Variants in PLPPR3 observed in about 807,000 individuals in gnomAD.
The protein encoded by PLPPR3 is phospholipid phosphatase related 3.
PLPPR3 carries 14 observed loss-of-function variants against 27.3 expected under a neutral mutation model. The ratio of observed to expected loss-of-function variants is 0.51; its 90% CI spans 0.34 to 0.80. The LOEUF (loss-of-function observed/expected upper bound fraction) is 0.80, where lower values mean the gene tolerates loss of function less well. Among genes scored for constraint, PLPPR3 ranks in the 30% least tolerant of loss-of-function variants. The pLI, the probability that PLPPR3 is intolerant of heterozygous loss-of-function variation, is 0.01. For missense variants in PLPPR3, 1,287 were observed against 1,056.9 expected, an observed-to-expected ratio of 1.22 and a Z score of -3.02; for synonymous variants, 671 against 508.0, an observed-to-expected ratio of 1.32 and a Z score of -4.32.
chr19:818,115 G>A (rs1388050042), intron 2 of PLPPR3, among the ~76,000 whole-genome samples: 1 of 152,198 alleles, frequency 6.6e-6, no homozygotes, highest in Non-Finnish European at 1.5e-5. Flanking sequence ...GGGTGCGGTG[G>A]CTCACGCCTG....
At position 813,841 on chromosome 19, in the gene PLPPR3, G is replaced by GGGCCGC; in HGVS notation, c.880_885dup (p.Ala294_Ala295dup). 1 of 1,470,806 alleles carries GGGCCGC rather than the reference G, an allele frequency of 6.8e-7. No homozygotes were observed. The highest frequency in any genetic ancestry group is 8.9e-7 in the Non-Finnish European group (1 of 1,120,360). 91.1% of individuals were successfully genotyped at this position (1,470,806 alleles called of 1,614,324 possible). ...CGCAGCGCGTCCTTGGCGGGGGCCG[G>GGGCCGC]GGCCGCGGGCTTCTCTGCAGGTGGG... On this transcript the variant is annotated inframe_insertion, in exon 8 of 8. Coordinates refer to ENST00000520876, the MANE Select transcript of PLPPR3 (RefSeq NM_001270366.2). The surrounding 1 kb of genome is among the most constrained non-coding windows in gnomAD (Gnocchi z 4.1).
chr19:814,845 G>A (rs770416969), intron 5 of PLPPR3, 41 bp downstream of exon 5: 1 of 1,593,298 alleles, frequency 6.3e-7, no homozygotes, highest in Non-Finnish European at 8.5e-7. Context: ...CACCGGGGCG[G>A]AAGAAGGCTC....
In PLPPR3 at chr19:813,440, G is replaced by A. The variant is rs200520883; in HGVS notation, c.1287C>T (p.Pro429=). The change falls in exon 8 of 8, where the codon CCC becomes CCT. Residue 429 remains proline (P), a synonymous_variant. Coordinates refer to ENST00000520876, the MANE Select transcript of PLPPR3 (RefSeq NM_001270366.2). This position sits in a 1 kb window ranked among gnomAD's most constrained non-coding sequence, Gnocchi z 4.1. ...GTTCGGCGGGCGCGCGCAGGTGCCC[G>A]GGGCTGGCGTCGTCGGGCAGCCCCA... ...RGLGLPDDAS[P]GHLRAPAEPM... The A allele has an allele frequency of 3.5e-4, 528 of 1,520,434 alleles. 1 individual carries two copies. In the African/African-American group the frequency reaches 6.1e-3, roughly 18 times the overall value. The allele number at this position is 1,520,434 out of a possible 1,614,324, so 94.2% of individuals were successfully genotyped here.
chr19:813,340 G>C lies in PLPPR3; in HGVS notation c.1387C>G (p.Pro463Ala). The C allele has an allele frequency of 6.8e-7, 1 of 1,472,572 alleles. No individual in the cohort carries two copies. Among genetic ancestry groups the C allele is most frequent in the Non-Finnish European group, 8.9e-7 (1 of 1,121,192 alleles). 91.2% of individuals were successfully genotyped at this position (1,472,572 alleles called of 1,614,324 possible). A position where few individuals can be genotyped will look rare whatever the true frequency, so the allele number is the denominator to read the frequency against. ...EEEEEEEDEG[P>A]APPSLYPTVQ... ...GTGGGGTAGAGCGAGGGCGGGGCCG[G>C]GCCCTCGTCCTCCTCCTCTTCCTCC... The change falls in exon 8 of 8, where the codon CCG becomes GCG. Residue 463 changes from proline to alanine, a missense_variant. Transcript: ENST00000520876. This position sits in a 1 kb window ranked among gnomAD's most constrained non-coding sequence, Gnocchi z 4.1.
chr19:819,511 A>T (rs2035114335), intron 2 of PLPPR3, among the ~76,000 whole-genome samples: 3 of 151,632 alleles, frequency 2.0e-5, no homozygotes, highest in Non-Finnish European at 4.4e-5. Flanking sequence ...GCTGGTCTCG[A>T]ACTCCTGACC....
chr19:823,584 G>C (rs2035181564), upstream of PLPPR3, among the ~76,000 whole-genome samples: 1 of 152,250 alleles, frequency 6.6e-6, no homozygotes, highest in Admixed American at 6.5e-5. Context: ...ATGGCGATGG[G>C]AATAGGATGG....
chr19:821,297 A>T (rs1454338330), intron 2 of PLPPR3, among the ~76,000 whole-genome samples, 188 bp downstream of exon 2: 1 of 149,876 alleles, frequency 6.7e-6, no homozygotes, highest in East Asian at 2.0e-4. Context: ...GTTCCTCTGG[A>T]GCTCCTACTC....
intron 2 of PLPPR3, 63 bp from the exon 3 acceptor site, chr19:815,914 T>C: frequency 6.5e-7 from 1 of 1,537,756 alleles, no homozygotes; most frequent in Non-Finnish European, 8.8e-7. Flanking sequence ...TGTCCAGCCC[T>C]CCATGAATTC....
In PLPPR3 at chr19:813,232, C is replaced by T. The variant is rs778092593; in HGVS notation, c.1495G>A (p.Glu499Lys). The change falls in exon 8 of 8, where the codon GAG becomes AAG. Residue 499 changes from glutamate (E) to lysine (K), a missense_variant. Physicochemically the swap from Glu to Lys is moderately conservative, Grantham distance 56. Transcript: ENST00000520876. This position sits in a 1 kb window ranked among gnomAD's most constrained non-coding sequence, Gnocchi z 4.1. ...AGGCCGGCCCCCGTCTGCGCGCCCT[C>T]CTCCGGGATGTGCACCAGCGGCGGC... ...GPPPLVHIPE[E>K]GAQTGAGLSP... The T allele has an allele frequency of 9.4e-6, 14 of 1,493,892 alleles. No homozygotes were observed. The South Asian group carries it at 1.0e-4, about 11-fold the overall frequency. The allele number at this position is 1,493,892 out of a possible 1,614,324, so 92.5% of individuals were successfully genotyped here.
Position 813,602 on chromosome 19 carries a change from G to C in PLPPR3, c.1125C>G (p.His375Gln). 6.5e-7 allele frequency: 1 copy of C among 1,547,300 alleles called. No homozygotes were observed. The highest frequency in any genetic ancestry group is 8.7e-7 in the Non-Finnish European group (1 of 1,147,548). Reference sequence around the variant, plus strand: ...AGGGCGCGCTGGCCCTGGGCAGCGTGTGGCTGAAGGTCACCATGTTCTCCT... The same window carrying C: ...AGGGCGCGCTGGCCCTGGGCAGCGTCTGGCTGAAGGTCACCATGTTCTCCT... ...MAKENMVTFS[H>Q]TLPRASAPSL... Residue 375 changes from histidine to glutamine, a missense_variant, in exon 8 of 8, where the codon CAC becomes CAG. His to Gln is a conservative substitution (Grantham distance 24). Transcript: ENST00000520876. This position sits in a 1 kb window ranked among gnomAD's most constrained non-coding sequence, Gnocchi z 4.1.
rs761058915 is a variant in PLPPR3 at position 813,213 on chromosome 19, GC to G, written c.1513del (p.Ala505ProfsTer17). On this transcript the variant is annotated frameshift_variant, in exon 8 of 8. Transcript: ENST00000520876. LOFTEE classifies it low-confidence loss of function (END_TRUNC). The surrounding 1 kb of genome is among the most constrained non-coding windows in gnomAD (Gnocchi z 4.1). Reference sequence around the variant, plus strand: ...GGCGCCGCTTTTGGGGGACAGGCCGGCCCCCGTCTGCGCGCCCTCCTCCGGG... The same window carrying G: ...GGCGCCGCTTTTGGGGGACAGGCCGGCCCCGTCTGCGCGCCCTCCTCCGGG... Reference protein sequence around the residue: ...HIPEEGAQTGAGLSPKSGAGV... With the variant: ...HIPEEGAQTGXGLSPKSGAGV... 5 of 1,489,852 alleles carry G rather than the reference GC, an allele frequency of 3.4e-6. No homozygotes were observed. The highest frequency in any genetic ancestry group is 1.5e-5 in the African/African-American group (1 of 67,424). 92.3% of individuals were successfully genotyped at this position (1,489,852 alleles called of 1,614,324 possible).
At chr19:819,781 G>C (rs768135018) in intron 2 of PLPPR3, among the ~76,000 whole-genome samples, 1 of 152,112 alleles carries the variant, frequency 6.6e-6, no homozygotes, top group South Asian at 2.1e-4. Flanking sequence ...GTCTTCCATC[G>C]AGGCTCTGGA....
chr19:815,409 A>G, intron 3 of PLPPR3, 82 bp from the exon 4 acceptor site: 1 of 1,395,764 alleles, frequency 7.2e-7, no homozygotes. Context: ...CAGTGCCCAC[A>G]GGCTGGCACA....
In PLPPR3 at chr19:814,520, C is replaced by T. The variant is rs768708643; in HGVS notation, c.745G>A (p.Gly249Arg). The T allele has an allele frequency of 1.9e-6, 3 of 1,611,390 alleles. No homozygotes were observed. The highest frequency in any genetic ancestry group is 1.3e-5 in the African/African-American group (1 of 74,934). Residue 249 changes from glycine to arginine, a missense_variant, in exon 7 of 8, where the codon GGG becomes AGG. By Grantham distance (125) the Gly-to-Arg change is moderately radical. Coordinates refer to ENST00000520876, the MANE Select transcript of PLPPR3 (RefSeq NM_001270366.2). ...FAFAIAAGVC[G>R]LTQITQYRSH... ...CGGTACTGCGTGATCTGCGTGAGCCCGCATACGCCCGCGGCGATGGCAAAG... is the reference window on the plus strand; with the variant it reads ...CGGTACTGCGTGATCTGCGTGAGCCTGCATACGCCCGCGGCGATGGCAAAG...
Position 815,679 on chromosome 19 carries a change from G to A in PLPPR3, c.248C>T (p.Ala83Val). 3 of 1,589,602 alleles carry A rather than the reference G, an allele frequency of 1.9e-6. No individual in the cohort carries two copies. The highest frequency in any genetic ancestry group is 2.6e-6 in the Non-Finnish European group (3 of 1,169,538). ...LLMLLSLAFA[A>V]PAASIMVAEG... ...GCAGGTGCTCACCGAGGCGGCAGGG[G>A]CCGCGAAGGCCAAGCTGAGCAGCAT... Residue 83 changes from alanine to valine, a missense_variant, in exon 3 of 8, where the codon GCC becomes GTC. Transcript: ENST00000520876.
At position 814,437 on chromosome 19, in the gene PLPPR3, G is replaced by A; in HGVS notation, c.828C>T (p.Tyr276=). The change falls in exon 7 of 8, where the codon TAC becomes TAT. Residue 276 remains tyrosine, a synonymous_variant. Coordinates refer to ENST00000520876, the MANE Select transcript of PLPPR3 (RefSeq NM_001270366.2). The part of the protein sequence containing the change: ...GFLIGAGIAA[Y]LACHAVGNFQ... ...CCCATCAGAACCTGCCACTCACCAG[G>A]TAGGCAGCGATGCCCGCCCCGATGA... 6.3e-7 allele frequency: 1 copy of A among 1,599,250 alleles called. No individual in the cohort carries two copies.
Position 813,454 on chromosome 19 carries a change from C to A in PLPPR3, c.1273G>T (p.Asp425Tyr). ...CGCAGGTGCCCGGGGCTGGCGTCGT[C>A]GGGCAGCCCCAGGCCGCGGCCCTCC... ...SLEGRGLGLP[D>Y]DASPGHLRAP... The change falls in exon 8 of 8, where the codon GAC becomes TAC. Residue 425 changes from aspartate to tyrosine, a missense_variant. Physicochemically the swap from Asp to Tyr is radical, Grantham distance 160. Coordinates refer to ENST00000520876, the MANE Select transcript of PLPPR3 (RefSeq NM_001270366.2). This position sits in a 1 kb window ranked among gnomAD's most constrained non-coding sequence, Gnocchi z 4.1. 3.9e-6 allele frequency: 6 copies of A among 1,530,306 alleles called. No individual in the cohort carries two copies. The highest frequency in any genetic ancestry group is 5.2e-6 in the Non-Finnish European group (6 of 1,143,504). The allele number at this position is 1,530,306 out of a possible 1,614,324, so 94.8% of individuals were successfully genotyped here. A position where few individuals can be genotyped will look rare whatever the true frequency, so the allele number is the denominator to read the frequency against.
At chr19:818,996 A>C (rs1411385310) in intron 2 of PLPPR3, among the ~76,000 whole-genome samples, 35 of 97,214 alleles carry the variant, frequency 3.6e-4, no homozygotes, top group South Asian at 7.6e-4. Flanking sequence ...TTATTTTTTG[A>C]GATGGAGTCT....
rs763296613 is a variant in PLPPR3 at position 812,935 on chromosome 19, C to G, written c.1792G>C (p.Gly598Arg). 1.0e-5 allele frequency: 14 copies of G among 1,354,194 alleles called. No homozygotes were observed. The highest frequency in any genetic ancestry group is 1.6e-5 in the African/African-American group (1 of 63,682). 83.9% of individuals were successfully genotyped at this position (1,354,194 alleles called of 1,614,324 possible). ...GCCTTCCACTCCCAGGGCGCGCCGC[C>G]GGCCGACAGGTGCACCACGGGGTGG... ...PHHPVVHLSAGGAPWEWKAAG... is the reference protein window; with the variant it reads ...PHHPVVHLSARGAPWEWKAAG... Residue 598 changes from glycine (G) to arginine (R), a missense_variant, in exon 8 of 8, where the codon GGC becomes CGC. By Grantham distance (125) the Gly-to-Arg change is moderately radical. Transcript: ENST00000520876.
Sources: gnomAD v4.1 joint callset for allele counts (sites outside exome capture counted in the v4.1 genomes callset) on GRCh38, gnomAD v4.1.1 for gene constraint, Gnocchi (gnomAD v3.1) non-coding constraint, MANE v1.5 for transcripts, NCBI Gene and HGNC (gene_info 2026-07-23, HGNC 2026-07-21) for gene names.